AK5: variants seen among roughly 807,000 people sequenced by gnomAD.
The protein encoded by AK5 is adenylate kinase 5, also known as adenylate kinase isoenzyme 5.
In AK5, 27 loss-of-function variants were observed where a neutral mutation model predicts 69.5. That is an observed-to-expected ratio of 0.39 (90% CI 0.29 to 0.54). The LOEUF (loss-of-function observed/expected upper bound fraction) is 0.54, where lower values mean the gene tolerates loss of function less well. Among genes scored for constraint, AK5 ranks in the 20% least tolerant of loss-of-function variants. AK5 has a pLI of 0.71. For synonymous variants in AK5, 260 were observed against 244.4 expected (o/e 1.06, Z -0.60); for missense variants, 531 against 700.4 (o/e 0.76, Z 2.73).
intron 1 of AK5, chr1:77,282,964 C>G: frequency 1.0e-6 from 1 of 985,658 alleles, no homozygotes; most frequent in South Asian, 4.7e-5. Flanking sequence ...TGAATGAACT[C>G]CTGAGCACGT....
chr1:77,446,999 C>T (rs1296342600), intron 8 of AK5, among the ~76,000 whole-genome samples: 1 of 152,220 alleles, frequency 6.6e-6, no homozygotes, highest in African/African-American at 2.4e-5. Context: ...GCAGGAAACA[C>T]TTGTGCTTGA....
chr1:77,345,824 C>A (rs955323062), intron 6 of AK5, among the ~76,000 whole-genome samples: 1 of 152,128 alleles, frequency 6.6e-6, no homozygotes, highest in Non-Finnish European at 1.5e-5. Flanking sequence ...CACAGTTGAC[C>A]CTTGAATAAC....
intron 8 of AK5, among the ~76,000 whole-genome samples, chr1:77,476,077 T>C (rs1353059171): frequency 1.3e-5 from 2 of 152,216 alleles, no homozygotes; most frequent in Non-Finnish European, 2.9e-5. Flanking sequence ...AAGCAGTTTA[T>C]ATAGAGAAAC....
At chr1:77,549,694 C>T (rs767355500) in intron 13 of AK5, among the ~76,000 whole-genome samples, 3 of 152,298 alleles carry the variant, frequency 2.0e-5, no homozygotes, top group East Asian at 1.9e-4. Context: ...TGAGAACATT[C>T]GAAGTCTGTC....
At chr1:77,513,637 C>T (rs1033436257) in intron 10 of AK5, among the ~76,000 whole-genome samples, 1 of 152,160 alleles carries the variant, frequency 6.6e-6, no homozygotes, top group African/African-American at 2.4e-5. Flanking sequence ...GTCAGGAGTT[C>T]GAGACCAGCC....
intron 5 of AK5, among the ~76,000 whole-genome samples, chr1:77,312,216 G>A (rs1167123321): frequency 1.3e-5 from 2 of 152,082 alleles, no homozygotes; most frequent in Admixed American, 6.5e-5. Flanking sequence ...ATTAGCATTG[G>A]GTGGTCTCAC....
chr1:77,373,680 C>G lies in AK5; in HGVS notation c.891+33112C>G, dbSNP rs538465741. Among the ~76,000 whole-genome samples the G allele has an allele frequency of 3.3e-5, 5 of 151,426 alleles. No individual in the cohort carries two copies. The East Asian group carries it at 9.7e-4, about 29-fold the overall frequency. ...GGTGGAGGTTGCAGTGAGCCGAGAT[C>G]GTGCCATTGCACTCCAGCTGGGGAG... On this transcript the variant is annotated intron_variant, in intron 6 of 13. Coordinates refer to ENST00000354567, the MANE Select transcript of AK5 (RefSeq NM_174858.3).
chr1:77,302,713 C>G (rs1256735009), intron 5 of AK5, among the ~76,000 whole-genome samples: 1 of 152,142 alleles, frequency 6.6e-6, no homozygotes, highest in African/African-American at 2.4e-5. Context: ...TTAGTGGATA[C>G]TTTCTTTTTT....
chr1:77,297,740 T>C lies in AK5; in HGVS notation c.585+12T>C. On this transcript the variant is annotated intron_variant, in intron 4 of 13. Coordinates refer to ENST00000354567, the MANE Select transcript of AK5 (RefSeq NM_174858.3). ...AATTGGCCCCACAGGTACTGCTGTA[T>C]AATTATCTTTTATTCTGCAAAATGT... 6.2e-7 allele frequency: 1 copy of C among 1,608,160 alleles called. No individual in the cohort carries two copies. The highest frequency in any genetic ancestry group is 8.5e-7 in the Non-Finnish European group (1 of 1,178,106).
At chr1:77,336,082 A>AC (rs1035539714) in intron 5 of AK5, among the ~76,000 whole-genome samples, 2 of 94,706 alleles carry the variant, frequency 2.1e-5, no homozygotes, top group African/African-American at 7.4e-5. Flanking sequence ...CTATCTTATA[A>AC]CCCTTTTTTT....
At chr1:77,490,219 A>C (rs1459161475) in intron 10 of AK5, among the ~76,000 whole-genome samples, 4 of 152,208 alleles carry the variant, frequency 2.6e-5, no homozygotes, top group African/African-American at 7.2e-5. Context: ...TTTCATGTTA[A>C]TTAGGAGCCT....
At chr1:77,304,411 T>TTTA (rs1162672387) in intron 5 of AK5, among the ~76,000 whole-genome samples, 3 of 4,596 alleles carry the variant, frequency 6.5e-4, no homozygotes, top group African/African-American at 5.6e-3. Context: ...TTTTCTTTTC[T>TTTA]TTTTTTTTTT....
intron 8 of AK5, among the ~76,000 whole-genome samples, chr1:77,447,894 T>C (rs1652849007): frequency 6.6e-6 from 1 of 152,230 alleles, no homozygotes; most frequent in African/African-American, 2.4e-5. Context: ...TATAGGCTTA[T>C]GCAAACTTAA....
intron 6 of AK5, among the ~76,000 whole-genome samples, chr1:77,342,831 G>GT (rs200089511): frequency 0.18 from 25,563 of 144,960 alleles, 2,275 homozygotes; most frequent in South Asian, 0.3. Flanking sequence ...TTTCTCTGTA[G>GT]TTTTTTTTTT....
intron 5 of AK5, among the ~76,000 whole-genome samples, chr1:77,318,107 A>G (rs1282954284): frequency 6.6e-6 from 1 of 152,208 alleles, no homozygotes; most frequent in Non-Finnish European, 1.5e-5. Flanking sequence ...ATAAAGAAAT[A>G]CCTGAGACTG....
At chr1:77,520,728 G>A (rs1874816) in intron 11 of AK5, among the ~76,000 whole-genome samples, 4,965 of 152,246 alleles carry the variant, frequency 0.033, 76 homozygotes, top group Middle Eastern at 0.082. Flanking sequence ...CTTTAATTTT[G>A]TACCTATCAG....
chr1:77,553,440 C>T (rs1416338294), intron 13 of AK5, among the ~76,000 whole-genome samples: 2 of 152,206 alleles, frequency 1.3e-5, no homozygotes, highest in African/African-American at 2.4e-5. Context: ...ACACATGTGC[C>T]TCAATTAGGT....
rs886478507 is a variant in AK5 at position 77,336,145 on chromosome 1, G to A, written c.700-4232G>A. Among the ~76,000 whole-genome samples, 8 of 148,174 alleles carry A rather than the reference G, an allele frequency of 5.4e-5. No homozygotes were observed. The East Asian group carries it at 6.0e-4, about 11-fold the overall frequency. On this transcript the variant is annotated intron_variant, in intron 5 of 13. Coordinates refer to ENST00000354567, the MANE Select transcript of AK5 (RefSeq NM_174858.3). ...TTGCCAGGCTGGAGTGCAGTGGCGCGATCTCATCTCACTGCAACCTCCGCC... is the reference window on the plus strand; with the variant it reads ...TTGCCAGGCTGGAGTGCAGTGGCGCAATCTCATCTCACTGCAACCTCCGCC...
chr1:77,345,415 G>A (rs2100396011), intron 6 of AK5, among the ~76,000 whole-genome samples: 3 of 152,348 alleles, frequency 2.0e-5, no homozygotes, highest in Middle Eastern at 6.8e-3. Context: ...GTCAAGGAAT[G>A]TGGGAAGGGC....
Sources: allele counts gnomAD v4.1 joint callset (sites outside exome capture counted in the v4.1 genomes callset), GRCh38; gene constraint gnomAD v4.1.1; transcripts MANE v1.5; gene names NCBI Gene and HGNC (gene_info 2026-07-23, HGNC 2026-07-21).